The following GLP1R variants were observed in gnomAD, a reference collection of about 807,000 sequenced individuals.
GLP1R encodes glucagon-like peptide 1 receptor.
Under a neutral mutation model 68.4 loss-of-function variants are expected in GLP1R, and 32 were observed. The ratio of observed to expected loss-of-function variants is 0.47; its 90% CI spans 0.35 to 0.63. The LOEUF (loss-of-function observed/expected upper bound fraction) is 0.63, where lower values mean the gene tolerates loss of function less well. Ranked by LOEUF, GLP1R falls within the 20% of genes least tolerant of loss-of-function variation. GLP1R has a pLI of 0.00. For synonymous variants in GLP1R, 263 were observed against 244.4 expected (o/e 1.08, Z -0.71); for missense variants, 502 against 594.9 (o/e 0.84, Z 1.62).
rs564891209 is a variant in GLP1R, at chr6:39,074,898, T to C, written c.823+1129T>C. Among the ~76,000 whole-genome samples the C allele has an allele frequency of 1.1e-4, 17 of 152,260 alleles. No individual in the cohort carries two copies. In the East Asian group the frequency reaches 2.9e-3, roughly 26 times the overall value. The stretch of plus-strand genomic sequence containing the variant: ...TCCATCCCCTGTCCTTGCACTTCAT[T>C]TATTTTTACTGGTGTTCCTCAGCCA... On this transcript the variant is annotated intron_variant, in intron 7 of 12. Transcript: ENST00000373256.
chr6:39,062,452 A>G (rs1036773108), intron 3 of GLP1R, among the ~76,000 whole-genome samples: 7 of 152,222 alleles, frequency 4.6e-5, no homozygotes, highest in Non-Finnish European at 8.8e-5. Context: ...TAATTGACAG[A>G]TGCACTTGCA....
rs1768931780 is a variant in GLP1R, at chr6:39,079,479, G to A, written c.1044-85G>A. 1.1e-5 allele frequency: 14 copies of A among 1,326,870 alleles called. No homozygotes were observed. Among genetic ancestry groups the A allele is most frequent in the Middle Eastern group, 4.8e-4 (2 of 4,190 alleles). 82.2% of individuals were successfully genotyped at this position (1,326,870 alleles called of 1,614,324 possible). On this transcript the variant is annotated intron_variant, in intron 10 of 12. Transcript: ENST00000373256. The surrounding 1 kb of genome is among the most constrained non-coding windows in gnomAD (Gnocchi z 4.5). ...TCCATGACCCAGATATCAGGACTTG[G>A]TAGGAAGTGGGGAGGGTAGAGAAAG...
intron 6 of GLP1R, 125 bp from the exon 7 acceptor site, chr6:39,073,485 A>C (rs753166406): frequency 2.5e-6 from 2 of 787,890 alleles, no homozygotes; most frequent in Non-Finnish European, 4.2e-6. Flanking sequence ...CCCTAGCCAG[A>C]GATGTGAGCT....
At chr6:39,054,310 G>T (rs1768160665) in intron 1 of GLP1R, among the ~76,000 whole-genome samples, 1 of 152,132 alleles carries the variant, frequency 6.6e-6, no homozygotes, top group Non-Finnish European at 1.5e-5. Context: ...AGGCGTGGGA[G>T]AGGCCAGAAG....
At chr6:39,076,283 T>C (rs1047587369) in intron 7 of GLP1R, among the ~76,000 whole-genome samples, 3 of 152,192 alleles carry the variant, frequency 2.0e-5, no homozygotes, top group Non-Finnish European at 1.5e-5. Flanking sequence ...ATTCGTTCCA[T>C]TCTCACTGGG....
chr6:39,066,559 C>G (rs1344620625), intron 5 of GLP1R, among the ~76,000 whole-genome samples: 1 of 152,212 alleles, frequency 6.6e-6, no homozygotes, highest in Non-Finnish European at 1.5e-5. Context: ...GCAAGCACCA[C>G]CAACCTCAAA....
At chr6:39,080,594 G>T (rs1768979193) in intron 11 of GLP1R, 104 bp from the exon 12 acceptor site, 4 of 677,192 alleles carry the variant, frequency 5.9e-6, no homozygotes, top group Non-Finnish European at 1.0e-5. Flanking sequence ...TGGATTTGGG[G>T]AGGGGGTTGT....
At chr6:39,082,187 A>G (rs118165882) in intron 12 of GLP1R, among the ~76,000 whole-genome samples, 7,560 of 152,190 alleles carry the variant, frequency 0.05, 399 homozygotes, top group Admixed American at 0.17. Context: ...ACCTGTGGGA[A>G]GTGTGGCCCT....
chr6:39,081,193 A>T (rs570267203), intron 12 of GLP1R, among the ~76,000 whole-genome samples: 1 of 152,098 alleles, frequency 6.6e-6, no homozygotes, highest in East Asian at 1.9e-4. Context: ...TTATATATAC[A>T]TGAAAACACT....
rs931843016 is a variant in GLP1R at position 39,090,578 on chromosome 6, A to G, written c.*4505A>G. ...TGAGGTGCTGTCAGGGCTGAAAAGG[A>G]CGCACCTCATTCTACATTTGGATGT... On this transcript the variant is annotated 3_prime_UTR_variant, in exon 13 of 13. Transcript: ENST00000373256. Among the ~76,000 whole-genome samples the G allele has an allele frequency of 3.9e-5, 6 of 152,122 alleles. No homozygotes were observed. Among genetic ancestry groups the G allele is most frequent in the Admixed American group, 1.3e-4 (2 of 15,280 alleles).
At chr6:39,070,371 A>T (rs1473700570) in intron 5 of GLP1R, among the ~76,000 whole-genome samples, 4 of 152,106 alleles carry the variant, frequency 2.6e-5, no homozygotes, top group African/African-American at 9.7e-5. Context: ...TTTATCTGTC[A>T]ACCTTTTAAT....
intron 7 of GLP1R, among the ~76,000 whole-genome samples, chr6:39,075,399 T>C (rs2150833700): frequency 6.6e-6 from 1 of 152,260 alleles, no homozygotes; most frequent in East Asian, 1.9e-4. Flanking sequence ...CCTGTCACCA[T>C]GGCGACCCGA....
intron 12 of GLP1R, 95 bp from the exon 13 acceptor site, chr6:39,085,811 G>T: frequency 8.8e-7 from 1 of 1,140,368 alleles, no homozygotes; most frequent in Non-Finnish European, 1.3e-6. Context: ...TAATGCAGTG[G>T]ATTTCTTCCC....
Position 39,089,098 on chromosome 6 carries a change from T to C in GLP1R, c.*3025T>C, listed in dbSNP as rs950530577. Among the ~76,000 whole-genome samples, 3 of 152,236 alleles carry C rather than the reference T, an allele frequency of 2.0e-5. No homozygotes were observed. Among genetic ancestry groups the C allele is most frequent in the African/African-American group, 7.2e-5 (3 of 41,462 alleles). ...GACTCATCAGATGGTGAAAGTGTCA[T>C]CTCCTTTGTAATTTATACTGGTGAG... On this transcript the variant is annotated 3_prime_UTR_variant, in exon 13 of 13. Transcript: ENST00000373256. This position sits in a 1 kb window ranked among gnomAD's most constrained non-coding sequence, Gnocchi z 4.1.
At position 39,080,869 on chromosome 6, in the gene GLP1R, G is replaced by T. The variant is rs10305499; in HGVS notation, c.1224+130G>T. 257 of 565,634 alleles carry T rather than the reference G, an allele frequency of 4.5e-4. 2 individuals carry two copies. In the African/African-American group the frequency reaches 4.7e-3, roughly 10 times the overall value. The allele number at this position is 565,634 out of a possible 1,614,324, so 35.0% of individuals were successfully genotyped here. ...CTACTCACCTCACTGAGGCACTAGG[G>T]TTGAGAAGCCATCTTGTCCACAGAT... On this transcript the variant is annotated intron_variant, in intron 12 of 12. Coordinates refer to ENST00000373256, the MANE Select transcript of GLP1R (RefSeq NM_002062.5).
intron 1 of GLP1R, among the ~76,000 whole-genome samples, chr6:39,056,159 G>A (rs1458808579): frequency 6.6e-6 from 1 of 152,116 alleles, no homozygotes; most frequent in Admixed American, 6.5e-5. Context: ...ACATTTGCTG[G>A]GTGCTCGTGA....
At chr6:39,082,858 G>C (rs544699173) in intron 12 of GLP1R, among the ~76,000 whole-genome samples, 2 of 151,782 alleles carry the variant, frequency 1.3e-5, no homozygotes, top group African/African-American at 4.8e-5. Flanking sequence ...ACCCCCCCAC[G>C]TCCCCGTTTC....
At chr6:39,070,189 A>G (rs1196987041) in intron 5 of GLP1R, among the ~76,000 whole-genome samples, 2 of 152,254 alleles carry the variant, frequency 1.3e-5, no homozygotes, top group Non-Finnish European at 2.9e-5. Flanking sequence ...ATTAAGGATT[A>G]AGTTTTATCA....
rs1237569666 is a variant in GLP1R at position 39,086,317 on chromosome 6, G to A, written c.*244G>A. The A allele has an allele frequency of 2.3e-6, 1 of 437,210 alleles. No individual in the cohort carries two copies. The highest frequency in any genetic ancestry group is 3.5e-5 in the East Asian group (1 of 28,804). 27.1% of individuals were successfully genotyped at this position (437,210 alleles called of 1,614,324 possible). On this transcript the variant is annotated 3_prime_UTR_variant, in exon 13 of 13. Transcript: ENST00000373256. The surrounding 1 kb of genome is among the most constrained non-coding windows in gnomAD (Gnocchi z 4.5). ...AGCAGCCTCCTAATTTGATCACAGT[G>A]GCGAGAGGAGAGGAAAAACGATCGC...
Sources: allele counts gnomAD v4.1 joint callset (sites outside exome capture counted in the v4.1 genomes callset), GRCh38; gene constraint gnomAD v4.1.1; non-coding constraint Gnocchi (gnomAD v3.1); transcripts MANE v1.5; gene names NCBI Gene and HGNC (gene_info 2026-07-23, HGNC 2026-07-21).